RGL1: variants seen among roughly 807,000 people sequenced by gnomAD.
RGL1 encodes the protein ral guanine nucleotide dissociation stimulator like 1, also known as ral guanine nucleotide dissociation stimulator-like 1.
RGL1 carries 24 observed loss-of-function variants against 95.2 expected under a neutral mutation model. The ratio of observed to expected loss-of-function variants is 0.25; its 90% CI spans 0.18 to 0.35. The LOEUF is 0.35. Among genes scored for constraint, RGL1 ranks in the 10% least tolerant of loss-of-function variants. The probability of loss-of-function intolerance (pLI) is 1.00; values close to 1 mark genes in which losing one functional copy is unlikely to be tolerated. For missense variants in RGL1, 715 were observed against 936.3 expected, an observed-to-expected ratio of 0.76 and a Z score of 3.08; for synonymous variants, 329 against 344.9, an observed-to-expected ratio of 0.95 and a Z score of 0.51.
chr1:183,654,595 G>T (rs1651003350), intron 1 of RGL1, among the ~76,000 whole-genome samples: 1 of 152,202 alleles, frequency 6.6e-6, no homozygotes, highest in Admixed American at 6.5e-5. Flanking sequence ...GAAAGTATTA[G>T]CTGTCTGACA....
chr1:183,776,194 G>C (rs1156572526), intron 2 of RGL1, among the ~76,000 whole-genome samples: 1 of 142,182 alleles, frequency 7.0e-6, no homozygotes, highest in African/African-American at 2.6e-5. Flanking sequence ...TGTCGCCCAG[G>C]CTGGAGTGCA....
chr1:183,859,135 G>T (rs1298872285), intron 3 of RGL1, among the ~76,000 whole-genome samples: 1 of 152,186 alleles, frequency 6.6e-6, no homozygotes, highest in Non-Finnish European at 1.5e-5. Context: ...ATCCATTGCA[G>T]TGTACTAACA....
At chr1:183,828,842 A>G (rs1663062386) in intron 2 of RGL1, among the ~76,000 whole-genome samples, 1 of 149,416 alleles carries the variant, frequency 6.7e-6, no homozygotes, top group Admixed American at 6.7e-5. Flanking sequence ...TACTCGGAAT[A>G]AAACTGGTAT....
At position 183,806,429 on chromosome 1, in the gene RGL1, A is replaced by T. The variant is rs1371120853; in HGVS notation, c.82A>T (p.Thr28Ser). 6.2e-6 allele frequency: 10 copies of T among 1,613,940 alleles called. No individual in the cohort carries two copies. In the Admixed American group the frequency reaches 1.5e-4, roughly 24 times the overall value. ...AGAGGAAGGAGCTGTTTACCATGTCACCCTCAAAAGAGTCCAGATTCAACA... is the reference window on the plus strand; with the variant it reads ...AGAGGAAGGAGCTGTTTACCATGTCTCCCTCAAAAGAGTCCAGATTCAACA... ...EVEEGAVYHV[T>S]LKRVQIQQAA... is the part of the protein sequence containing the mutation. Residue 28 changes from threonine to serine, a missense_variant, in exon 2 of 18, where the codon ACC becomes TCC. Physicochemically the swap from Thr to Ser is moderately conservative, Grantham distance 58. Around this residue, in one of 3 missense-constraint regions of RGL1, gnomAD observed 381 missense variants for 484.8 expected, o/e 0.79. Transcript: ENST00000360851.
chr1:183,648,154 C>T (rs1650443550), intron 1 of RGL1: 1 of 1,614,190 alleles, frequency 6.2e-7, no homozygotes, highest in Non-Finnish European at 8.5e-7. Flanking sequence ...GGCTGAAAAA[C>T]ATGTGATCCT....
At chr1:183,766,317 C>G (rs1419885148) in intron 2 of RGL1, among the ~76,000 whole-genome samples, 2 of 151,692 alleles carry the variant, frequency 1.3e-5, no homozygotes, top group African/African-American at 4.9e-5. Flanking sequence ...GGTTTGGGAT[C>G]AAAAATCACT....
At chr1:183,905,967 G>C (rs2102711412) in intron 13 of RGL1, among the ~76,000 whole-genome samples, 1 of 152,284 alleles carries the variant, frequency 6.6e-6, no homozygotes, top group African/African-American at 2.4e-5. Flanking sequence ...TTGAGTAGTT[G>C]CAACAGAGAC....
intron 1 of RGL1, among the ~76,000 whole-genome samples, chr1:183,675,056 G>A (rs113775287): frequency 6.6e-6 from 1 of 152,168 alleles, no homozygotes; most frequent in African/African-American, 2.4e-5. Context: ...CAGCTCTTCT[G>A]TTCTGAGCTG....
At chr1:183,878,150 T>TTCTATCTG (rs1553300664) in intron 4 of RGL1, among the ~76,000 whole-genome samples, 25 of 111,552 alleles carry the variant, frequency 2.2e-4, no homozygotes, top group Non-Finnish European at 4.5e-4. Flanking sequence ...TTGATTTTCT[T>TTCTATCTG]TCTATCTATC....
chr1:183,695,035 C>G (rs1391279494), intron 1 of RGL1, among the ~76,000 whole-genome samples: 3 of 152,194 alleles, frequency 2.0e-5, no homozygotes, highest in Non-Finnish European at 2.9e-5. Context: ...TATCCATGCT[C>G]CAATCACTAA....
chr1:183,844,875 T>G (rs1645271652), intron 2 of RGL1, among the ~76,000 whole-genome samples: 2 of 152,222 alleles, frequency 1.3e-5, no homozygotes, highest in South Asian at 4.1e-4. Flanking sequence ...AATAAAGAGA[T>G]AAAGCCATCT....
At chr1:183,753,024 G>A (rs1354635978) in intron 2 of RGL1, among the ~76,000 whole-genome samples, 1 of 152,084 alleles carries the variant, frequency 6.6e-6, no homozygotes, top group Non-Finnish European at 1.5e-5. Flanking sequence ...ATGAATTGAT[G>A]TCTTTCATCC....
intron 4 of RGL1, among the ~76,000 whole-genome samples, chr1:183,868,338 G>A (rs1457909374): frequency 6.6e-6 from 1 of 152,200 alleles, no homozygotes; most frequent in Admixed American, 6.5e-5. Flanking sequence ...CTGGTAAGCA[G>A]TGGGCAGTCA....
chr1:183,743,237 G>A (rs534808292), intron 2 of RGL1, among the ~76,000 whole-genome samples: 7 of 152,128 alleles, frequency 4.6e-5, no homozygotes, highest in African/African-American at 1.7e-4. Flanking sequence ...TGGTCTTGAA[G>A]TCCTAGCCTC....
intron 2 of RGL1, among the ~76,000 whole-genome samples, chr1:183,743,540 A>C (rs1657442901): frequency 6.6e-6 from 1 of 152,186 alleles, no homozygotes; most frequent in Non-Finnish European, 1.5e-5. Flanking sequence ...ATGCTTGGAA[A>C]TTTTATTTTC....
intron 2 of RGL1, among the ~76,000 whole-genome samples, chr1:183,788,528 A>C (rs1420383181): frequency 6.6e-6 from 1 of 152,246 alleles, no homozygotes; most frequent in Non-Finnish European, 1.5e-5. Context: ...GGCTCAGTCA[A>C]GTTGACACAT....
At chr1:183,909,688 C>T (rs545909842) in intron 14 of RGL1, among the ~76,000 whole-genome samples, 55 of 152,102 alleles carry the variant, frequency 3.6e-4, no homozygotes, top group Non-Finnish European at 6.3e-4. Flanking sequence ...CATATAATTC[C>T]GAAAATATTT....
At chr1:183,647,634 A>G (rs1317171525) in intron 1 of RGL1, 13 of 1,526,678 alleles carry the variant, frequency 8.5e-6, no homozygotes, top group African/African-American at 1.4e-5. Context: ...TGCCTATCTA[A>G]TAAGTCCCTT....
At chr1:183,717,532 T>C (rs1157913423) in intron 1 of RGL1, among the ~76,000 whole-genome samples, 4 of 152,256 alleles carry the variant, frequency 2.6e-5, no homozygotes, top group African/African-American at 4.8e-5. Context: ...ATTTAACTTA[T>C]AGCCTGATAG....
Sources: gnomAD v4.1 joint callset for allele counts (sites outside exome capture counted in the v4.1 genomes callset) on GRCh38, gnomAD v4.1.1 for gene constraint, gnomAD v4.1.1 regional missense constraint, MANE v1.5 for transcripts, NCBI Gene and HGNC (gene_info 2026-07-23, HGNC 2026-07-21) for gene names.